Variants in KCNIP3 observed in about 807,000 individuals in gnomAD.
The protein encoded by KCNIP3 is potassium voltage-gated channel interacting protein 3, also known as calsenilin.
Under a neutral mutation model 35.0 loss-of-function variants are expected in KCNIP3, and 28 were observed. The ratio of observed to expected loss-of-function variants is 0.80; its 90% CI spans 0.59 to 1.10. The LOEUF is 1.10. Ranked by LOEUF, KCNIP3 falls within the 50% of genes least tolerant of loss-of-function variation. KCNIP3 has a pLI of 0.00. For synonymous variants in KCNIP3, 134 were observed against 133.8 expected (o/e 1.00, Z -0.01); for missense variants, 295 against 338.4 (o/e 0.87, Z 1.01).
At chr2:95,344,905 G>A (rs1402415061) in intron 2 of KCNIP3, among the ~76,000 whole-genome samples, 1 of 152,198 alleles carries the variant, frequency 6.6e-6, no homozygotes, top group Non-Finnish European at 1.5e-5. Flanking sequence ...AGGCTGAGCC[G>A]GCACTACCTG....
At chr2:95,333,874 T>C (rs1678992451) in intron 2 of KCNIP3, among the ~76,000 whole-genome samples, 1 of 152,172 alleles carries the variant, frequency 6.6e-6, no homozygotes, top group Non-Finnish European at 1.5e-5. Flanking sequence ...CCTGCTGCTT[T>C]CTGACTCAGA....
chr2:95,382,868 A>G lies in KCNIP3; in HGVS notation c.661-364A>G, dbSNP rs1223064651. ...CTCCTACTTGCTGGGGCCACTAGAC[A>G]TGGGCCATCCTGTGACTCAGTTGCT... is the stretch of plus-strand genomic sequence containing the variant. On this transcript the variant is annotated intron_variant, in intron 7 of 8. Transcript: ENST00000295225. This position sits in a 1 kb window ranked among gnomAD's most constrained non-coding sequence, Gnocchi z 4.5. 4.6e-5 allele frequency among the ~76,000 whole-genome samples: 7 copies of G among 152,100 alleles called. No homozygotes were observed. Among genetic ancestry groups the G allele is most frequent in the African/African-American group, 1.7e-4 (7 of 41,404 alleles).
At chr2:95,317,141 G>A (rs918824637) in intron 2 of KCNIP3, among the ~76,000 whole-genome samples, 5 of 152,162 alleles carry the variant, frequency 3.3e-5, no homozygotes, top group Non-Finnish European at 5.9e-5. Context: ...CTATGCCCCC[G>A]TCCTACTCAG....
At chr2:95,372,631 A>G (rs1283326856) in intron 2 of KCNIP3, among the ~76,000 whole-genome samples, 1 of 152,172 alleles carries the variant, frequency 6.6e-6, no homozygotes, top group African/African-American at 2.4e-5. Context: ...CTTTGCTGGG[A>G]GCAGGCACAG....
chr2:95,326,416 T>C (rs1678793790), intron 2 of KCNIP3, among the ~76,000 whole-genome samples: 1 of 152,140 alleles, frequency 6.6e-6, no homozygotes, highest in South Asian at 2.1e-4. Flanking sequence ...GTTCACACAC[T>C]GCACTCGGGA....
chr2:95,302,406 G>T (rs148414283), intron 1 of KCNIP3, among the ~76,000 whole-genome samples: 1 of 152,352 alleles, frequency 6.6e-6, no homozygotes, highest in African/African-American at 2.4e-5. Flanking sequence ...GAACAGAGTA[G>T]CCCAGCCCTC....
intron 2 of KCNIP3, among the ~76,000 whole-genome samples, chr2:95,355,671 G>A (rs1297450646): frequency 6.6e-6 from 1 of 152,150 alleles, no homozygotes; most frequent in African/African-American, 2.4e-5. Context: ...CAAAGGACAT[G>A]AACTCATCCT....
chr2:95,379,213 T>C (rs1680277780), intron 5 of KCNIP3, among the ~76,000 whole-genome samples: 1 of 152,158 alleles, frequency 6.6e-6, no homozygotes, highest in African/African-American at 2.4e-5. Context: ...AGGCTTCAGG[T>C]TGGATAAGGC....
chr2:95,381,289 ACACAGGTGCACACCCT>A (rs1680331028), intron 5 of KCNIP3, among the ~76,000 whole-genome samples: 2 of 152,176 alleles, frequency 1.3e-5, no homozygotes, highest in South Asian at 4.1e-4. Flanking sequence ...ACAGGTGCAC[ACACAGGTGCACACCCT>A]CACAGGTTCA....
intron 8 of KCNIP3, 74 bp downstream of exon 8, chr2:95,383,368 C>G (rs1182351627): frequency 6.9e-7 from 1 of 1,450,938 alleles, no homozygotes; most frequent in African/African-American, 1.4e-5. Context: ...CAGCGTCTGC[C>G]CCTTCCCTCA....
intron 2 of KCNIP3, among the ~76,000 whole-genome samples, chr2:95,358,605 G>T (rs1474415464): frequency 6.6e-6 from 1 of 152,218 alleles, no homozygotes; most frequent in Non-Finnish European, 1.5e-5. Context: ...GTACAGAAAT[G>T]TATTGGTTTA....
chr2:95,309,916 C>T (rs1273698322), intron 1 of KCNIP3, among the ~76,000 whole-genome samples: 1 of 152,228 alleles, frequency 6.6e-6, no homozygotes, highest in African/African-American at 2.4e-5. Context: ...AGAGCAGGGG[C>T]CCTGCTGGGG....
intron 1 of KCNIP3, among the ~76,000 whole-genome samples, chr2:95,302,441 G>A (rs1345500322): frequency 6.6e-6 from 1 of 152,238 alleles, no homozygotes; most frequent in Non-Finnish European, 1.5e-5. Flanking sequence ...TCCAGCTCCT[G>A]GGCAGGCAGA....
intron 2 of KCNIP3, among the ~76,000 whole-genome samples, chr2:95,364,104 C>T (rs1167431941): frequency 1.3e-5 from 2 of 152,144 alleles, no homozygotes; most frequent in Non-Finnish European, 2.9e-5. Flanking sequence ...TGTATCTAAG[C>T]TTTTGCCATT....
At chr2:95,361,995 C>T (rs1679809466) in intron 2 of KCNIP3, among the ~76,000 whole-genome samples, 1 of 152,200 alleles carries the variant, frequency 6.6e-6, no homozygotes, top group Non-Finnish European at 1.5e-5. Context: ...GGGTCAGTTT[C>T]TGGTGAGGGC....
intron 2 of KCNIP3, among the ~76,000 whole-genome samples, chr2:95,336,974 GTC>G (rs1206002907): frequency 6.6e-6 from 1 of 152,134 alleles, no homozygotes; most frequent in African/African-American, 2.4e-5. Context: ...GCACTCCAGA[GTC>G]TCTCCCTGCT....
intron 2 of KCNIP3, among the ~76,000 whole-genome samples, chr2:95,321,662 G>A (rs1678601694): frequency 6.6e-6 from 1 of 152,178 alleles, no homozygotes; most frequent in Non-Finnish European, 1.5e-5. Context: ...AGAAACACGG[G>A]GCTCTTTAGA....
At position 95,383,930 on chromosome 2, in the gene KCNIP3, G is replaced by A. The variant is rs1282617489; in HGVS notation, c.724-72G>A. ...CGCTGCAGGCTCCGAGTCCCTGGCG[G>A]GAATCTGCTCAAGGGGGTCGGATTT... On this transcript the variant is annotated intron_variant, in intron 8 of 8. Coordinates refer to ENST00000295225, the MANE Select transcript of KCNIP3 (RefSeq NM_013434.5). 2.1e-5 allele frequency: 28 copies of A among 1,338,400 alleles called. No individual in the cohort carries two copies. The East Asian group carries it at 6.4e-4, about 31-fold the overall frequency. 82.9% of individuals were successfully genotyped at this position (1,338,400 alleles called of 1,614,324 possible).
chr2:95,334,157 C>A (rs187889841), intron 2 of KCNIP3, among the ~76,000 whole-genome samples: 5 of 152,308 alleles, frequency 3.3e-5, no homozygotes, highest in African/African-American at 7.2e-5. Context: ...GATTGATGAC[C>A]CGTGTGAGTG....
Sources: allele counts gnomAD v4.1 joint callset (sites outside exome capture counted in the v4.1 genomes callset), GRCh38; gene constraint gnomAD v4.1.1; non-coding constraint Gnocchi (gnomAD v3.1); transcripts MANE v1.5; gene names NCBI Gene and HGNC (gene_info 2026-07-23, HGNC 2026-07-21).